Variants in EFCAB5 observed in about 807,000 individuals in gnomAD.
EFCAB5 encodes the protein EF-hand calcium binding domain 5.
Under a neutral mutation model 167.9 loss-of-function variants are expected in EFCAB5, and 131 were observed. The observed-to-expected ratio is 0.78, with a 90% CI of 0.68 to 0.90. EFCAB5 has a LOEUF of 0.90. EFCAB5 is among the 40% of genes least tolerant of loss of function. EFCAB5 has a pLI of 0.00. For synonymous variants in EFCAB5, 574 were observed against 602.8 expected, an observed-to-expected ratio of 0.95 and a Z score of 0.70; for missense variants, 1,663 against 1,745.2, an observed-to-expected ratio of 0.95 and a Z score of 0.84.
At chr17:30,026,618 T>C (rs2069330235) in intron 7 of EFCAB5, among the ~76,000 whole-genome samples, 2 of 152,254 alleles carry the variant, frequency 1.3e-5, no homozygotes, top group South Asian at 4.1e-4. Context: ...TTTTTAGTTG[T>C]ACATGTTCCT....
intron 3 of EFCAB5, among the ~76,000 whole-genome samples, chr17:29,952,308 T>C (rs190184827): frequency 1.2e-3 from 180 of 152,350 alleles, no homozygotes; most frequent in Non-Finnish European, 2.1e-3. Context: ...CACCTTTTAA[T>C]ACTATCACAT....
At chr17:30,026,248 A>G (rs1264727318) in intron 7 of EFCAB5, among the ~76,000 whole-genome samples, 1 of 152,130 alleles carries the variant, frequency 6.6e-6, no homozygotes, top group Non-Finnish European at 1.5e-5. Context: ...TCCAAGAGAC[A>G]AAACTTAACA....
chr17:30,077,891 A>G (rs1296414216), intron 14 of EFCAB5, among the ~76,000 whole-genome samples: 3 of 152,232 alleles, frequency 2.0e-5, no homozygotes, highest in African/African-American at 7.2e-5. Context: ...ACTGCCAAAG[A>G]GTAACAGGAT....
chr17:29,945,218 C>G (rs939851884), intron 3 of EFCAB5, among the ~76,000 whole-genome samples: 2 of 151,906 alleles, frequency 1.3e-5, no homozygotes, highest in Non-Finnish European at 2.9e-5. Flanking sequence ...GTTTAGTATA[C>G]GCTAGGCTGA....
chr17:30,048,868 C>G (rs188856011), intron 8 of EFCAB5, among the ~76,000 whole-genome samples: 1 of 152,272 alleles, frequency 6.6e-6, no homozygotes, highest in East Asian at 1.9e-4. Context: ...ATCAAATTGA[C>G]GTAGCTCTCT....
At chr17:30,023,653 A>C (rs1047183851) in intron 7 of EFCAB5, among the ~76,000 whole-genome samples, 1 of 152,064 alleles carries the variant, frequency 6.6e-6, no homozygotes, top group African/African-American at 2.4e-5. Flanking sequence ...TCAATAGAAA[A>C]AGAGGGAATC....
intron 4 of EFCAB5, among the ~76,000 whole-genome samples, chr17:29,984,108 T>C (rs1209324541): frequency 2.0e-5 from 3 of 151,858 alleles, no homozygotes; most frequent in African/African-American, 7.3e-5. Context: ...ATTTATATAA[T>C]GAATGAGTGA....
intron 22 of EFCAB5, among the ~76,000 whole-genome samples, chr17:30,095,545 T>C (rs1489986665): frequency 6.6e-6 from 1 of 152,200 alleles, no homozygotes; most frequent in African/African-American, 2.4e-5. Context: ...GCTGCCATCA[T>C]GGTGGCTCTC....
At chr17:30,063,797 A>G (rs750197377) in intron 14 of EFCAB5, among the ~76,000 whole-genome samples, 10 of 152,194 alleles carry the variant, frequency 6.6e-5, no homozygotes, top group Admixed American at 1.3e-4. Flanking sequence ...CAAGAGTAAG[A>G]GGACTCCAAA....
intron 17 of EFCAB5, among the ~76,000 whole-genome samples, chr17:30,082,300 T>G (rs2071002454): frequency 6.6e-6 from 1 of 152,174 alleles, no homozygotes; most frequent in African/African-American, 2.4e-5. Flanking sequence ...CTTGTTCCTT[T>G]GATGCTATTC....
intron 14 of EFCAB5, chr17:30,068,702 T>C: frequency 6.5e-7 from 1 of 1,543,494 alleles, no homozygotes; most frequent in Non-Finnish European, 8.9e-7. Context: ...GCACTGGGAG[T>C]GGCAGTGGGT....
At chr17:30,076,815 T>G (rs550419331) in intron 14 of EFCAB5, among the ~76,000 whole-genome samples, 2 of 152,240 alleles carry the variant, frequency 1.3e-5, no homozygotes, top group Non-Finnish European at 2.9e-5. Flanking sequence ...CCACTGACTG[T>G]AGAATAAATC....
intron 4 of EFCAB5, among the ~76,000 whole-genome samples, chr17:29,990,830 G>C (rs546480733): frequency 6.6e-6 from 1 of 152,150 alleles, no homozygotes; most frequent in Non-Finnish European, 1.5e-5. Flanking sequence ...GCAGTCGCTC[G>C]AGGTGCTGCT....
chr17:30,005,478 T>C (rs932175561), intron 7 of EFCAB5, among the ~76,000 whole-genome samples: 4 of 152,242 alleles, frequency 2.6e-5, no homozygotes, highest in African/African-American at 7.2e-5. Flanking sequence ...TTGGCCATCT[T>C]ACCTGATTTT....
At chr17:30,068,838 C>A in intron 14 of EFCAB5, 2 of 1,405,978 alleles carry the variant, frequency 1.4e-6, no homozygotes, top group Non-Finnish European at 2.0e-6. Flanking sequence ...TTCTGGAACA[C>A]AGGAAAGATT....
chr17:30,048,416 G>A (rs1167391305), intron 8 of EFCAB5, among the ~76,000 whole-genome samples: 2 of 150,720 alleles, frequency 1.3e-5, no homozygotes, highest in Non-Finnish European at 3.0e-5. Flanking sequence ...ATATATAAAC[G>A]ATTCAGGGGA....
intron 7 of EFCAB5, among the ~76,000 whole-genome samples, chr17:30,008,262 G>A (rs1166782679): frequency 6.6e-6 from 1 of 152,104 alleles, no homozygotes. Context: ...CATTTAATGA[G>A]ATCAAGACTA....
chr17:30,018,542 A>G (rs1040107915), intron 7 of EFCAB5, among the ~76,000 whole-genome samples: 4 of 151,964 alleles, frequency 2.6e-5, no homozygotes, highest in African/African-American at 9.7e-5. Context: ...TACATTAGGG[A>G]AACTAAATAT....
chr17:30,083,426 C>T (rs1394645950), intron 18 of EFCAB5, among the ~76,000 whole-genome samples: 1 of 152,202 alleles, frequency 6.6e-6, no homozygotes, highest in Non-Finnish European at 1.5e-5. Context: ...CAGATGCTTA[C>T]TAAAAGCATC....
Sources: allele counts gnomAD v4.1 joint callset (sites outside exome capture counted in the v4.1 genomes callset), GRCh38; gene constraint gnomAD v4.1.1; transcripts MANE v1.5; gene names NCBI Gene and HGNC (gene_info 2026-07-23, HGNC 2026-07-21).